The following C6 variants were observed in gnomAD, a reference collection of about 807,000 sequenced individuals.
The protein encoded by C6 is complement component C6.
In C6, 101 loss-of-function variants were observed where a neutral mutation model predicts 112.9. The ratio of observed to expected loss-of-function variants is 0.89; its 90% CI spans 0.76 to 1.06. The LOEUF (loss-of-function observed/expected upper bound fraction) is 1.06. C6 is among the 50% of genes least tolerant of loss of function. The pLI is 0.00. For missense variants in C6, 1,202 were observed against 1,104.6 expected (o/e 1.09, Z -1.25); for synonymous variants, 431 against 384.1 (o/e 1.12, Z -1.43).
chr5:41,229,107 T>C (rs1029419451), intron 1 of C6, among the ~76,000 whole-genome samples: 9 of 152,156 alleles, frequency 5.9e-5, no homozygotes, highest in African/African-American at 2.2e-4. Context: ...AGAGCACGAC[T>C]CCATCAAAAA....
chr5:41,163,042 C>A (rs1747667327), intron 9 of C6, among the ~76,000 whole-genome samples: 1 of 151,882 alleles, frequency 6.6e-6, no homozygotes, highest in African/African-American at 2.4e-5. Context: ...GCATGGGATC[C>A]TGAAGAAAGA....
intron 5 of C6, among the ~76,000 whole-genome samples, chr5:41,189,070 G>A (rs1236222080): frequency 3.9e-5 from 6 of 151,934 alleles, no homozygotes; most frequent in East Asian, 1.9e-4. Context: ...TCAAACCTGC[G>A]ATGAGATACC....
intron 15 of C6, among the ~76,000 whole-genome samples, chr5:41,151,478 C>T (rs1212117373): frequency 6.6e-6 from 1 of 152,064 alleles, no homozygotes; most frequent in Non-Finnish European, 1.5e-5. Context: ...ATTAAGAGTT[C>T]CCTACTGTAG....
At chr5:41,191,366 C>A (rs1394947864) in intron 5 of C6, among the ~76,000 whole-genome samples, 1 of 152,050 alleles carries the variant, frequency 6.6e-6, no homozygotes, top group Non-Finnish European at 1.5e-5. Context: ...CAGGCCTGTT[C>A]TTTTTGCTCA....
At chr5:41,188,239 C>T (rs1749934861) in intron 5 of C6, among the ~76,000 whole-genome samples, 1 of 152,084 alleles carries the variant, frequency 6.6e-6, no homozygotes, top group Non-Finnish European at 1.5e-5. Flanking sequence ...CAATCATTAT[C>T]AAAATCTCAG....
intron 17 of C6, among the ~76,000 whole-genome samples, chr5:41,146,636 G>A (rs1745852483): frequency 6.6e-6 from 1 of 152,154 alleles, no homozygotes. Flanking sequence ...TTTCCTGATT[G>A]TGTGCAGAAC....
chr5:41,250,748 T>C (rs1334509360), intron 1 of C6, among the ~76,000 whole-genome samples: 1 of 152,164 alleles, frequency 6.6e-6, no homozygotes, highest in Non-Finnish European at 1.5e-5. Context: ...ACAGTAAACC[T>C]TCAGACTTGT....
intron 2 of C6, among the ~76,000 whole-genome samples, chr5:41,202,736 G>A (rs1382213201): frequency 1.3e-5 from 2 of 152,136 alleles, no homozygotes; most frequent in Non-Finnish European, 2.9e-5. Context: ...TGTTAGACTC[G>A]ATTTAATGAG....
chr5:41,181,210 A>G (rs1332830350), intron 7 of C6, 149 bp downstream of exon 7: 9 of 663,690 alleles, frequency 1.4e-5, no homozygotes. Flanking sequence ...TTTTGAAGTG[A>G]GATATAACAA....
intron 16 of C6, among the ~76,000 whole-genome samples, 154 bp from the exon 17 acceptor site, chr5:41,149,636 A>G (rs573966292): frequency 1.3e-5 from 2 of 152,176 alleles, no homozygotes; most frequent in Admixed American, 6.5e-5. Context: ...GAGGAACAGG[A>G]AAGTGTTGAT....
At chr5:41,202,895 G>A (rs904434484) in intron 2 of C6, among the ~76,000 whole-genome samples, 193 bp downstream of exon 2, 3 of 152,126 alleles carry the variant, frequency 2.0e-5, no homozygotes, top group Non-Finnish European at 4.4e-5. Context: ...GAAACCCCTC[G>A]TTCTTGTAGA....
intron 1 of C6, among the ~76,000 whole-genome samples, chr5:41,256,203 G>T (rs1741688629): frequency 6.6e-6 from 1 of 152,040 alleles, no homozygotes; most frequent in Admixed American, 6.6e-5. Flanking sequence ...GGACATTTGG[G>T]TTGGTTCCAA....
intron 13 of C6, among the ~76,000 whole-genome samples, chr5:41,157,296 G>A (rs1171852199): frequency 6.6e-6 from 1 of 152,192 alleles, no homozygotes; most frequent in Non-Finnish European, 1.5e-5. Context: ...TTTTAAAAAT[G>A]AGAATGTCAA....
chr5:41,149,310 G>C lies in C6; in HGVS notation c.2554C>G (p.Leu852Val). 6.2e-7 allele frequency: 1 copy of C among 1,614,046 alleles called. No homozygotes were observed. Among genetic ancestry groups the C allele is most frequent in the Non-Finnish European group, 8.5e-7 (1 of 1,179,944 alleles). Residue 852 changes from leucine to valine, a missense_variant, in exon 17 of 18, where the codon CTT (leucine) becomes GTT (valine). Coordinates refer to ENST00000337836, the MANE Select transcript of C6 (RefSeq NM_000065.5). ...QLEWGLERTRLSSNSTKKESC... is the reference protein window; with the variant it reads ...QLEWGLERTRVSSNSTKKESC... ...TCTTTCTTTGTGCTGTTGGATGAAA[G>C]TCTTGTCCTTTCAAGACCCCATTCT...
At chr5:41,245,671 T>G (rs1366839510) in intron 1 of C6, among the ~76,000 whole-genome samples, 4 of 152,220 alleles carry the variant, frequency 2.6e-5, no homozygotes, top group African/African-American at 7.2e-5. Context: ...ATGCTTTTCC[T>G]TCATCAGTTG....
At chr5:41,222,710 G>A (rs762183610) in intron 1 of C6, among the ~76,000 whole-genome samples, 1 of 152,030 alleles carries the variant, frequency 6.6e-6, no homozygotes, top group Non-Finnish European at 1.5e-5. Context: ...CTGCTCTTAC[G>A]AGTCAGGTAG....
intron 1 of C6, among the ~76,000 whole-genome samples, chr5:41,208,750 G>C (rs1292615618): frequency 1.1e-4 from 17 of 152,090 alleles, no homozygotes; most frequent in South Asian, 4.1e-4. Flanking sequence ...ACCAAAAAAA[G>C]TCCAGGACCA....
intron 5 of C6, among the ~76,000 whole-genome samples, chr5:41,189,612 T>C (rs746158976): frequency 2.0e-4 from 31 of 152,044 alleles, no homozygotes; most frequent in Non-Finnish European, 4.3e-4. Flanking sequence ...ACCTCAAACA[T>C]GTTGGGAATA....
At chr5:41,195,720 A>G in intron 5 of C6, 72 bp downstream of exon 5, 3 of 1,434,398 alleles carry the variant, frequency 2.1e-6, no homozygotes, top group Non-Finnish European at 2.0e-6. Context: ...ACAATGATGT[A>G]TCTCATTGCT....
Sources: gnomAD v4.1 joint callset for allele counts (sites outside exome capture counted in the v4.1 genomes callset) on GRCh38, gnomAD v4.1.1 for gene constraint, MANE v1.5 for transcripts, NCBI Gene and HGNC (gene_info 2026-07-23, HGNC 2026-07-21) for gene names.